Variants in TDRD7 observed in about 807,000 individuals in gnomAD.
TDRD7 encodes tudor domain containing 7, also known as tudor domain-containing protein 7.
Under a neutral mutation model 109.8 loss-of-function variants are expected in TDRD7, and 47 were observed. The observed-to-expected ratio is 0.43, with a 90% CI of 0.34 to 0.55. TDRD7 has a LOEUF of 0.55. TDRD7 is among the 20% of genes least tolerant of loss of function. The pLI, the probability that TDRD7 is intolerant of heterozygous loss-of-function variation, is 0.03. For missense variants in TDRD7, 1,164 were observed against 1,319.2 expected, an observed-to-expected ratio of 0.88 and a Z score of 1.82; for synonymous variants, 424 against 457.3, an observed-to-expected ratio of 0.93 and a Z score of 0.93.
intron 6 of TDRD7, among the ~76,000 whole-genome samples, chr9:97,453,133 A>G (rs1290950826): frequency 6.6e-6 from 1 of 152,224 alleles, no homozygotes; most frequent in Non-Finnish European, 1.5e-5. Flanking sequence ...ATTTTAGATA[A>G]GATGGGTTAT....
chr9:97,431,282 T>C (rs1828100204), intron 3 of TDRD7, among the ~76,000 whole-genome samples: 1 of 152,200 alleles, frequency 6.6e-6, no homozygotes, highest in African/African-American at 2.4e-5. Flanking sequence ...AATTACACAG[T>C]GGGAAATAAC....
intron 10 of TDRD7, among the ~76,000 whole-genome samples, chr9:97,473,068 A>G (rs1260017200): frequency 6.6e-6 from 1 of 152,224 alleles, no homozygotes; most frequent in Non-Finnish European, 1.5e-5. Context: ...TCAAATTCAT[A>G]TGACCTCTGG....
At chr9:97,435,680 G>A (rs1379819631) in intron 4 of TDRD7, among the ~76,000 whole-genome samples, 1 of 151,604 alleles carries the variant, frequency 6.6e-6, no homozygotes, top group Non-Finnish European at 1.5e-5. Flanking sequence ...TTGAGATGTT[G>A]TAAAACATTT....
intron 14 of TDRD7, among the ~76,000 whole-genome samples, chr9:97,481,726 A>G (rs1829120068): frequency 6.6e-6 from 1 of 152,200 alleles, no homozygotes; most frequent in South Asian, 2.1e-4. Flanking sequence ...TTTCTCAGCT[A>G]CTCTTTAAGC....
chr9:97,437,703 TCTGA>T (rs933850136), intron 4 of TDRD7, among the ~76,000 whole-genome samples: 75 of 152,290 alleles, frequency 4.9e-4, no homozygotes, highest in African/African-American at 1.7e-3. Context: ...ACAGTTACTG[TCTGA>T]CATAATGTCT....
rs78579695 is a variant in TDRD7 at position 97,460,234 on chromosome 9, G to A, written c.912G>A (p.Lys304=). The change falls in exon 7 of 17, where the codon AAG becomes AAA. Residue 304 remains lysine, a synonymous_variant. Transcript: ENST00000355295. ...TACTTCTTTATCCAGCTAAGAGAAAGCAGCTTTTGAGAAGTGAACTGGATA... is the reference window on the plus strand; with the variant it reads ...TACTTCTTTATCCAGCTAAGAGAAAACAGCTTTTGAGAAGTGAACTGGATA... ...QDLLLYPAKR[K]QLLRSELDTE... 1.6e-3 allele frequency: 2,580 copies of A among 1,614,190 alleles called. 43 individuals are homozygous for A. The African/African-American group carries it at 0.031, about 19-fold the overall frequency.
At chr9:97,494,527 G>T (rs1829361756) in intron 16 of TDRD7, among the ~76,000 whole-genome samples, 1 of 151,936 alleles carries the variant, frequency 6.6e-6, no homozygotes, top group Non-Finnish European at 1.5e-5. Flanking sequence ...TTCTCTTGTG[G>T]GAAATAAATA....
intron 16 of TDRD7, among the ~76,000 whole-genome samples, chr9:97,488,560 G>GTTTTTTTTTTTTTTTTTTTTTTT (rs61689126): frequency 7.8e-5 from 11 of 140,582 alleles, no homozygotes; most frequent in Non-Finnish European, 1.1e-4. Flanking sequence ...AGATTTAATG[G>GTTTTTTTTTTTTTTTTTTTTTTT]TTTTTTTTTT....
chr9:97,478,781 A>G (rs1293791748), intron 13 of TDRD7: 1 of 668,992 alleles, frequency 1.5e-6, no homozygotes, highest in Non-Finnish European at 2.5e-6. Context: ...TGTTTGAGAA[A>G]TGTTTGTTTT....
intron 16 of TDRD7, among the ~76,000 whole-genome samples, chr9:97,490,552 G>GT (rs1013522481): frequency 3.5e-5 from 5 of 142,962 alleles, no homozygotes; most frequent in Admixed American, 6.9e-5. Context: ...ATTTTGGTGG[G>GT]GGGGGGGGCA....
chr9:97,495,181 T>C (rs539015715), intron 16 of TDRD7, among the ~76,000 whole-genome samples: 7 of 152,348 alleles, frequency 4.6e-5, no homozygotes, highest in Middle Eastern at 3.4e-3. Context: ...ACTGAGTCTG[T>C]TGACTTTCAA....
At chr9:97,416,720 C>T (rs939048677) in intron 1 of TDRD7, among the ~76,000 whole-genome samples, 1 of 152,080 alleles carries the variant, frequency 6.6e-6, no homozygotes, top group Non-Finnish European at 1.5e-5. Context: ...AAATTGGATT[C>T]AGAGTTATGC....
chr9:97,494,714 T>TA (rs1564219961), intron 16 of TDRD7, among the ~76,000 whole-genome samples: 15 of 72,898 alleles, frequency 2.1e-4, no homozygotes, highest in South Asian at 1.4e-3. Flanking sequence ...ATATATATAT[T>TA]TTTTTTTTTT....
chr9:97,481,845 A>G (rs997966578), intron 14 of TDRD7, among the ~76,000 whole-genome samples: 1 of 152,210 alleles, frequency 6.6e-6, no homozygotes, highest in Non-Finnish European at 1.5e-5. Context: ...GTCAGTATTT[A>G]ATTAGTACTT....
At chr9:97,414,562 C>G (rs1375672834) in intron 1 of TDRD7, among the ~76,000 whole-genome samples, 1 of 152,168 alleles carries the variant, frequency 6.6e-6, no homozygotes, top group African/African-American at 2.4e-5. Context: ...GACACAAACT[C>G]CTTACTAAGC....
chr9:97,444,450 A>G (rs1160174150), intron 6 of TDRD7, among the ~76,000 whole-genome samples: 1 of 152,224 alleles, frequency 6.6e-6, no homozygotes, highest in Non-Finnish European at 1.5e-5. Flanking sequence ...GTTATTTTTA[A>G]ACAGCTTTAA....
At chr9:97,439,200 T>C in intron 4 of TDRD7, 45 bp from the exon 5 acceptor site, 1 of 1,484,776 alleles carries the variant, frequency 6.7e-7, no homozygotes, top group Non-Finnish European at 9.0e-7. Flanking sequence ...GGTATAGACT[T>C]TGTTATTTAC....
chr9:97,456,772 T>C (rs1033211231), intron 6 of TDRD7, among the ~76,000 whole-genome samples: 13 of 152,058 alleles, frequency 8.5e-5, no homozygotes, highest in Non-Finnish European at 1.5e-4. Context: ...GGCAAAAACT[T>C]CATGACAAAA....
intron 12 of TDRD7, among the ~76,000 whole-genome samples, chr9:97,476,648 G>A (rs1472435486): frequency 6.7e-6 from 1 of 149,688 alleles, no homozygotes; most frequent in African/African-American, 2.5e-5. Flanking sequence ...TTGATACAGA[G>A]GTTCTTAACC....
Sources: gnomAD v4.1 joint callset for allele counts (sites outside exome capture counted in the v4.1 genomes callset) on GRCh38, gnomAD v4.1.1 for gene constraint, MANE v1.5 for transcripts, NCBI Gene and HGNC (gene_info 2026-07-23, HGNC 2026-07-21) for gene names.